The following FBN1 variants were observed in gnomAD, a reference collection of about 807,000 sequenced individuals.
FBN1 encodes fibrillin-1.
A neutral mutation model predicts 365.1 loss-of-function variants in FBN1; 29 were observed. That is an observed-to-expected ratio of 0.08 (90% confidence interval 0.06 to 0.11). FBN1 has a LOEUF of 0.11. Among genes scored for constraint, FBN1 ranks in the 10% least tolerant of loss-of-function variants. FBN1 has a pLI of 1.00. For missense variants in FBN1, 2,476 were observed against 3,703.2 expected (o/e 0.67, Z 8.60); for synonymous variants, 1,210 against 1,270.5 (o/e 0.95, Z 1.01).
At chr15:48,525,698 G>A (rs1192413200) in intron 9 of FBN1, among the ~76,000 whole-genome samples, 4 of 152,190 alleles carry the variant, frequency 2.6e-5, no homozygotes, top group Non-Finnish European at 4.4e-5. Flanking sequence ...ACTATTTTAG[G>A]AAGATAAATC....
Position 48,465,591 on chromosome 15 carries a change from T to C in FBN1, c.4919A>G (p.Asn1640Ser). 2 of 1,614,146 alleles carry C rather than the reference T, an allele frequency of 1.2e-6. No homozygotes were observed. The highest frequency in any genetic ancestry group is 1.7e-6 in the Non-Finnish European group (2 of 1,179,992). ...QCRCPTGYYLNEDTRVCDDVN... is the reference protein window; with the variant it reads ...QCRCPTGYYLSEDTRVCDDVN... The stretch of plus-strand genomic sequence containing the variant: ...ACCATCACACACTCGTGTATCTTCA[T>C]TCAGGTAGTAGCCGGTTGGACAGCG... The change falls in exon 40 of 66, where the codon AAT becomes AGT. Residue 1640 changes from asparagine to serine, a missense_variant. Transcript: ENST00000316623.
intron 20 of FBN1, among the ~76,000 whole-genome samples, 188 bp downstream of exon 20, chr15:48,495,912 T>C (rs1333695650): frequency 6.6e-6 from 1 of 152,228 alleles, no homozygotes; most frequent in African/African-American, 2.4e-5. Flanking sequence ...GCAATTAAAA[T>C]GCCAATTACA....
intron 8 of FBN1, among the ~76,000 whole-genome samples, chr15:48,530,133 C>G (rs1016975559): frequency 2.3e-5 from 3 of 132,550 alleles, no homozygotes; most frequent in African/African-American, 5.3e-5. Context: ...TCCGCCGCAT[C>G]ACAACTTGAA....
intron 6 of FBN1, among the ~76,000 whole-genome samples, chr15:48,576,185 C>A (rs2044346024): frequency 6.6e-6 from 1 of 152,210 alleles, no homozygotes; most frequent in African/African-American, 2.4e-5. Flanking sequence ...CTCCCATCAT[C>A]TCCCTCCCTT....
chr15:48,437,964 C>T, intron 50 of FBN1, 47 bp from the exon 51 acceptor site: 2 of 1,590,888 alleles, frequency 1.3e-6, no homozygotes, highest in Non-Finnish European at 1.7e-6. Context: ...CCTACTGAGT[C>T]CGTATTGCAC....
chr15:48,456,469 T>A (rs1467671641), intron 44 of FBN1, among the ~76,000 whole-genome samples, 168 bp downstream of exon 44: 1 of 134,404 alleles, frequency 7.4e-6, no homozygotes, highest in Non-Finnish European at 1.6e-5. Flanking sequence ...AGTTAGTGAA[T>A]TTTTTTTTTT....
At chr15:48,448,108 T>A (rs1453086657) in intron 46 of FBN1, among the ~76,000 whole-genome samples, 4 of 152,180 alleles carry the variant, frequency 2.6e-5, no homozygotes, top group Admixed American at 2.6e-4. Flanking sequence ...AACCCAGTCA[T>A]AGCCAAAGTC....
At chr15:48,524,304 G>A (rs555254055) in intron 9 of FBN1, among the ~76,000 whole-genome samples, 2 of 152,264 alleles carry the variant, frequency 1.3e-5, no homozygotes, top group East Asian at 1.9e-4. Flanking sequence ...GGAATTTTAC[G>A]GTTAGAAGAA....
intron 6 of FBN1, among the ~76,000 whole-genome samples, chr15:48,584,921 A>C (rs1287353740): frequency 6.6e-6 from 1 of 152,196 alleles, no homozygotes; most frequent in Non-Finnish European, 1.5e-5. Flanking sequence ...CCAGTTTTCA[A>C]GTGAAGTTTT....
intron 6 of FBN1, among the ~76,000 whole-genome samples, chr15:48,546,218 A>G (rs984379978): frequency 6.6e-6 from 1 of 152,212 alleles, no homozygotes; most frequent in Non-Finnish European, 1.5e-5. Flanking sequence ...GGAGTTTGCA[A>G]TCTTGTGGAG....
intron 8 of FBN1, among the ~76,000 whole-genome samples, chr15:48,533,246 A>C (rs2043987480): frequency 6.6e-6 from 1 of 152,206 alleles, no homozygotes; most frequent in Non-Finnish European, 1.5e-5. Flanking sequence ...AGGATGAAGG[A>C]AAAAGTTTTC....
chr15:48,630,558 A>G (rs550252859), intron 2 of FBN1, among the ~76,000 whole-genome samples: 1 of 152,186 alleles, frequency 6.6e-6, no homozygotes, highest in Admixed American at 6.5e-5. Context: ...TGGTTTGCCT[A>G]TCTTTGTAAA....
At chr15:48,423,844 G>A (rs2042960252) in intron 60 of FBN1, among the ~76,000 whole-genome samples, 1 of 152,164 alleles carries the variant, frequency 6.6e-6, no homozygotes, top group Non-Finnish European at 1.5e-5. Flanking sequence ...AACAGGAAAA[G>A]GGACAAGTTG....
Position 48,556,949 on chromosome 15 carries a change from G to A in FBN1, c.539-19141C>T, listed in dbSNP as rs549857521. ...AAGAAAAAGCTTCTTAAAGTAACGCGAAACATCCTGAATCACCTGGCCCAC... is the reference window on the plus strand; with the variant it reads ...AAGAAAAAGCTTCTTAAAGTAACGCAAAACATCCTGAATCACCTGGCCCAC... On this transcript the variant is annotated intron_variant, in intron 6 of 65. Coordinates refer to ENST00000316623, the MANE Select transcript of FBN1 (RefSeq NM_000138.5). Among the ~76,000 whole-genome samples the A allele has an allele frequency of 8.5e-5, 13 of 152,240 alleles. No individual in the cohort carries two copies. In the East Asian group the frequency reaches 1.2e-3, roughly 14 times the overall value.
chr15:48,520,837 T>C lies in FBN1; in HGVS notation c.989-20A>G, dbSNP rs763199850. ...GAACATCTGAGGACAAAGAAACACA[T>C]ACACACACACACATCGCTGAGATAA... On this transcript the variant is annotated intron_variant, in intron 9 of 65. Coordinates refer to ENST00000316623, the MANE Select transcript of FBN1 (RefSeq NM_000138.5). 1.7e-5 allele frequency: 27 copies of C among 1,612,624 alleles called. No homozygotes were observed. The highest frequency in any genetic ancestry group is 1.6e-4 in the Middle Eastern group (1 of 6,080).
intron 55 of FBN1, 26 bp from the exon 56 acceptor site, chr15:48,430,828 T>C: frequency 1.2e-6 from 2 of 1,611,674 alleles, no homozygotes; most frequent in Non-Finnish European, 1.7e-6. Flanking sequence ...AATCACAAAT[T>C]TGTCAAAGAA....
rs1432789903 is a variant in FBN1 at position 48,430,780 on chromosome 15, T to C, written c.6762A>G (p.Gly2254=). ...TTTGTTTTTCAGTACAGTCATGTTT[T>C]CCCTCTTCACACTCATCCTCATCTG... ...MCKDEDECEE[G]KHDCTEKQME... Residue 2254 remains glycine, a synonymous_variant, in exon 56 of 66, where the codon GGA becomes GGG. Coordinates refer to ENST00000316623, the MANE Select transcript of FBN1 (RefSeq NM_000138.5). 5 of 1,613,762 alleles carry C rather than the reference T, an allele frequency of 3.1e-6. No homozygotes were observed. The highest frequency in any genetic ancestry group is 1.7e-5 in the Admixed American group (1 of 59,978).
At position 48,488,219 on chromosome 15, in the gene FBN1, A is replaced by G; in HGVS notation, c.3231T>C (p.Ser1077=). 1 of 1,614,240 alleles carries G rather than the reference A, an allele frequency of 6.2e-7. No homozygotes were observed. Residue 1077 remains serine, a synonymous_variant, in exon 27 of 66, where the codon TCT becomes TCC. Coordinates refer to ENST00000316623, the MANE Select transcript of FBN1 (RefSeq NM_000138.5). ...ACTGGCCTCTGCCACAGAGGTCAGG[A>G]GATATGCGGCATTCGTCAATGTCTG... ...NCTDIDECRI[S]PDLCGRGQCV...
intron 56 of FBN1, among the ~76,000 whole-genome samples, chr15:48,429,495 G>GT (rs2043009181): frequency 6.6e-6 from 1 of 152,204 alleles, no homozygotes; most frequent in African/African-American, 2.4e-5. Flanking sequence ...TTTGAGAATA[G>GT]TTCAGGGTCC....
Sources: gnomAD v4.1 joint callset for allele counts (sites outside exome capture counted in the v4.1 genomes callset) on GRCh38, gnomAD v4.1.1 for gene constraint, MANE v1.5 for transcripts, NCBI Gene and HGNC (gene_info 2026-07-23, HGNC 2026-07-21) for gene names.